FBRS: variants seen among roughly 807,000 people sequenced by gnomAD.
The protein encoded by FBRS is probable fibrosin-1.
Under a neutral mutation model 86.1 loss-of-function variants are expected in FBRS, and 15 were observed. The observed-to-expected ratio is 0.17, with a 90% CI of 0.12 to 0.27. The LOEUF (loss-of-function observed/expected upper bound fraction) is 0.27, where lower values mean the gene tolerates loss of function less well. Ranked by LOEUF, FBRS falls within the 10% of genes least tolerant of loss-of-function variation. The pLI is 1.00. For synonymous variants in FBRS, 666 were observed against 575.8 expected (o/e 1.16, Z -2.24); for missense variants, 1,367 against 1,301.6 (o/e 1.05, Z -0.77).
intron 6 of FBRS, among the ~76,000 whole-genome samples, chr16:30,663,279 C>T (rs2052482405): frequency 6.6e-6 from 1 of 152,144 alleles, no homozygotes; most frequent in Non-Finnish European, 1.5e-5. Flanking sequence ...CTCTTTCTGT[C>T]AAATGGAATG....
chr16:30,659,084 G>C lies in FBRS; in HGVS notation c.-435G>C, dbSNP rs2052420671. On this transcript the variant is annotated 5_prime_UTR_variant, in exon 1 of 18. Transcript: ENST00000356166. ...GAGGACTTGAGACACTTTTAAAGGG[G>C]AGGTCTGCGTTTCGGGGCGAGCTTT... is the stretch of plus-strand genomic sequence containing the variant. 6.6e-6 allele frequency: 1 copy of C among 152,296 alleles called. No homozygotes were observed. The highest frequency in any genetic ancestry group is 1.5e-5 in the Non-Finnish European group (1 of 68,114). The allele number at this position is 152,296 out of a possible 1,614,324, so 9.4% of individuals were successfully genotyped here.
At position 30,668,987 on chromosome 16, in the gene FBRS, T is replaced by TCCCCCCCCCCCCTCCCCCTGCCCCCCC; in HGVS notation, c.2366+11_2366+12insCCCCCCCCCTCCCCCTGCCCCCCCCCC. On this transcript the variant is annotated intron_variant, in intron 17 of 17. Coordinates refer to ENST00000356166, the MANE Select transcript of FBRS (RefSeq NM_001105079.3). ...CAAGGAGGAGAAGGACAGGTGTGCCTCCCACCCACCCTGCCCCTGCCCCAC... is the reference window on the plus strand; with the variant it reads ...CAAGGAGGAGAAGGACAGGTGTGCCTCCCCCCCCCCCCTCCCCCTGCCCCCCCCCCACCCACCCTGCCCCTGCCCCAC... 6.8e-7 allele frequency: 1 copy of TCCCCCCCCCCCCTCCCCCTGCCCCCCC among 1,481,134 alleles called. No homozygotes were observed. The highest frequency in any genetic ancestry group is 2.4e-5 in the East Asian group (1 of 40,922). 91.7% of individuals were successfully genotyped at this position (1,481,134 alleles called of 1,614,324 possible). A position where few individuals can be genotyped will look rare whatever the true frequency, so the allele number is the denominator to read the frequency against.
rs867083826 is a variant in FBRS, at chr16:30,662,708, C to G, written c.904C>G (p.Pro302Ala). The G allele has an allele frequency of 5.2e-6, 8 of 1,548,716 alleles. 1 individual carries two copies. The highest frequency in any genetic ancestry group is 3.3e-4 in the Middle Eastern group (2 of 5,980). ...CCCCCCAAAGGAACCACCGCCTCCA[C>G]CGGTCCCTCGGCCTCCTGTCTCACC... ...PFPPKEPPPPPVPRPPVSPPA... is the reference protein window; with the variant it reads ...PFPPKEPPPPAVPRPPVSPPA... The change falls in exon 6 of 18, where the codon CCG becomes GCG. Residue 302 changes from proline to alanine, a missense_variant. This residue lies in a region of FBRS where 702 missense variants were observed against 598.7 expected (regional missense o/e 1.17). Coordinates refer to ENST00000356166, the MANE Select transcript of FBRS (RefSeq NM_001105079.3).
chr16:30,659,771 C>G lies in FBRS; in HGVS notation c.253C>G (p.Arg85Gly). The change falls in exon 1 of 18, where the codon CGT becomes GGT. Residue 85 changes from arginine (R) to glycine (G), a missense_variant. Arg to Gly is a moderately radical substitution (Grantham distance 125). Around this residue, in one of 3 missense-constraint regions of FBRS, gnomAD observed 702 missense variants for 598.7 expected, o/e 1.17. Coordinates refer to ENST00000356166, the MANE Select transcript of FBRS (RefSeq NM_001105079.3). ...RPGGPRRRRP[R>G]PRPRPPRPRA... ...TGGGGGCCCGAGACGCCGGCGGCCC[C>G]GTCCGAGACCTCGACCCCCGCGACC... 2 of 1,459,002 alleles carry G rather than the reference C, an allele frequency of 1.4e-6. No individual in the cohort carries two copies. The highest frequency in any genetic ancestry group is 1.8e-6 in the Non-Finnish European group (2 of 1,101,772). The allele number at this position is 1,459,002 out of a possible 1,614,324, so 90.4% of individuals were successfully genotyped here.
chr16:30,665,292 C>G lies in FBRS; in HGVS notation c.1609-14C>G. The G allele has an allele frequency of 6.4e-7, 1 of 1,557,216 alleles. No homozygotes were observed. Among genetic ancestry groups the G allele is most frequent in the Non-Finnish European group, 8.7e-7 (1 of 1,150,780 alleles). On this transcript the variant is annotated splice_polypyrimidine_tract_variant and intron_variant, in intron 9 of 17. Coordinates refer to ENST00000356166, the MANE Select transcript of FBRS (RefSeq NM_001105079.3). The surrounding 1 kb of genome is among the most constrained non-coding windows in gnomAD (Gnocchi z 4.1). ...CTCCACCCCCACCTGTACTAGTCCCCCTTCTCTCCACAGCCGTACACGGCC... is the reference window on the plus strand; with the variant it reads ...CTCCACCCCCACCTGTACTAGTCCCGCTTCTCTCCACAGCCGTACACGGCC...
chr16:30,667,377 T>A lies in FBRS; in HGVS notation c.1933T>A (p.Tyr645Asn), dbSNP rs1253101348. 6.4e-7 allele frequency: 1 copy of A among 1,553,360 alleles called. No individual in the cohort carries two copies. The highest frequency in any genetic ancestry group is 8.7e-7 in the Non-Finnish European group (1 of 1,147,978). Reference sequence around the variant, plus strand: ...CCTCCTGCCCTGCCTTCCGGGGCCCTATGGGGCCCTGCCCCCTGGGCAGGA... The same window carrying A: ...CCTCCTGCCCTGCCTTCCGGGGCCCAATGGGGCCCTGCCCCCTGGGCAGGA... ...NDLLPCLPGP[Y>N]GALPPGQELS... Residue 645 changes from tyrosine (Y) to asparagine (N), a missense_variant, in exon 14 of 18, where the codon TAT (tyrosine) becomes AAT (asparagine). By Grantham distance (143) the Tyr-to-Asn change is moderately radical. Coordinates refer to ENST00000356166, the MANE Select transcript of FBRS (RefSeq NM_001105079.3).
At chr16:30,663,104 C>G in intron 6 of FBRS, 3 of 592,928 alleles carry the variant, frequency 5.1e-6, no homozygotes, top group Non-Finnish European at 7.4e-6. Context: ...TTCAGGCAGG[C>G]AAGTCTGCTC....
At chr16:30,666,428 G>T in intron 11 of FBRS, 84 bp from the exon 12 acceptor site, 2 of 1,554,438 alleles carry the variant, frequency 1.3e-6, no homozygotes, top group East Asian at 2.2e-5. Context: ...CATGTTGGGG[G>T]TGAGTGGATG....
At chr16:30,661,400 T>C in intron 4 of FBRS, 67 bp downstream of exon 4, 1 of 1,550,348 alleles carries the variant, frequency 6.5e-7, no homozygotes, top group Non-Finnish European at 8.7e-7. Context: ...CATAAAGGTC[T>C]TCTGCGTGCA....
intron 3 of FBRS, 22 bp from the exon 4 acceptor site, chr16:30,661,282 C>T (rs2052458121): frequency 1.9e-6 from 3 of 1,550,842 alleles, no homozygotes; most frequent in Non-Finnish European, 1.7e-6. Flanking sequence ...CTCGTGACAC[C>T]TCTGTCTTTC....
rs760624320 is a variant in FBRS, at chr16:30,670,100, C to G, written c.*455C>G. 2.1e-4 allele frequency: 98 copies of G among 468,092 alleles called. No homozygotes were observed. Among genetic ancestry groups the G allele is most frequent in the Non-Finnish European group, 3.6e-4 (85 of 234,312 alleles). The allele number at this position is 468,092 out of a possible 1,614,324, so 29.0% of individuals were successfully genotyped here. A position where few individuals can be genotyped will look rare whatever the true frequency, so the allele number is the denominator to read the frequency against. Reference sequence around the variant, plus strand: ...GGGTTCCATGTACATATTTATCACCCCTTTCACATAGCCCCAAGACCTTTT... The same window carrying G: ...GGGTTCCATGTACATATTTATCACCGCTTTCACATAGCCCCAAGACCTTTT... On this transcript the variant is annotated 3_prime_UTR_variant, in exon 18 of 18. Transcript: ENST00000356166.
At chr16:30,663,397 G>A (rs536520854) in intron 6 of FBRS, among the ~76,000 whole-genome samples, 4 of 152,214 alleles carry the variant, frequency 2.6e-5, no homozygotes, top group Admixed American at 1.3e-4. Context: ...ATGATTTCAG[G>A]TCTTACGTGA....
intron 4 of FBRS, chr16:30,662,140 C>A: frequency 2.3e-6 from 1 of 443,364 alleles, no homozygotes; most frequent in Non-Finnish European, 4.0e-6. Flanking sequence ...AGCTAGTGAC[C>A]TCTGACGTTT....
rs140333257 is a variant in FBRS at position 30,665,144 on chromosome 16, G to A, written c.1608+65G>A. 1.8e-5 allele frequency: 28 copies of A among 1,580,600 alleles called. No homozygotes were observed. The African/African-American group carries it at 2.8e-4, about 16-fold the overall frequency. ...TGGGCGTGGATGCATCCATGCTTGT[G>A]ACCCTGACTGCTGGGGTCCAGTCTT... On this transcript the variant is annotated intron_variant, in intron 9 of 17. Transcript: ENST00000356166. This position sits in a 1 kb window ranked among gnomAD's most constrained non-coding sequence, Gnocchi z 4.1.
chr16:30,667,056 T>C, intron 13 of FBRS, 66 bp downstream of exon 13: 1 of 1,477,372 alleles, frequency 6.8e-7, no homozygotes, highest in Non-Finnish European at 9.3e-7. Flanking sequence ...CTCTGGGCAT[T>C]GGCCCTCAAC....
In FBRS at chr16:30,669,014, C is replaced by G; in HGVS notation, c.2366+35C>G. ...CCACCCACCCTGCCCCTGCCCCACC[C>G]TCAGCCCCTGCTGCCCCTGGAGAAC... On this transcript the variant is annotated intron_variant, in intron 17 of 17. Coordinates refer to ENST00000356166, the MANE Select transcript of FBRS (RefSeq NM_001105079.3). This position sits in a 1 kb window ranked among gnomAD's most constrained non-coding sequence, Gnocchi z 5.9. The G allele has an allele frequency of 6.4e-7, 1 of 1,563,282 alleles. No homozygotes were observed. Among genetic ancestry groups the G allele is most frequent in the Non-Finnish European group, 8.7e-7 (1 of 1,154,572 alleles).
intron 4 of FBRS, among the ~76,000 whole-genome samples, chr16:30,661,617 C>T (rs2151266672): frequency 6.6e-6 from 1 of 152,246 alleles, no homozygotes; most frequent in East Asian, 1.9e-4. Context: ...TCCACGGAAA[C>T]CCAGAGTGGC....
At chr16:30,660,210 G>A (rs1453864151) in intron 1 of FBRS, 53 bp from the exon 2 acceptor site, 7 of 1,362,916 alleles carry the variant, frequency 5.1e-6, no homozygotes, top group Non-Finnish European at 6.7e-6. Flanking sequence ...CCCCTAGAGG[G>A]GTTGGGAGCT....
At chr16:30,666,316 T>A in intron 11 of FBRS, 196 bp from the exon 12 acceptor site, 1 of 685,172 alleles carries the variant, frequency 1.5e-6, no homozygotes, top group Non-Finnish European at 2.5e-6. Context: ...GGGGCTTGGT[T>A]CAGAAACCTT....
Sources: allele counts gnomAD v4.1 joint callset (sites outside exome capture counted in the v4.1 genomes callset), GRCh38; gene constraint gnomAD v4.1.1; regional missense constraint gnomAD v4.1.1; non-coding constraint Gnocchi (gnomAD v3.1); transcripts MANE v1.5; gene names NCBI Gene and HGNC (gene_info 2026-07-23, HGNC 2026-07-21).